IQCM: variants seen among roughly 807,000 people sequenced by gnomAD.
IQCM encodes the protein IQ motif containing M, also known as IQ domain-containing protein M.
A neutral mutation model predicts 57.6 loss-of-function variants in IQCM; 45 were observed. That is an observed-to-expected ratio of 0.78 (90% confidence interval 0.62 to 1.00). IQCM has a LOEUF of 1.00. Ranked by LOEUF, IQCM falls within the 50% of genes least tolerant of loss-of-function variation. The pLI is 0.00. For missense variants in IQCM, 468 were observed against 511.6 expected, an observed-to-expected ratio of 0.91 and a Z score of 0.82; for synonymous variants, 148 against 158.9, an observed-to-expected ratio of 0.93 and a Z score of 0.51.
At chr4:149,402,847 C>A (rs183469064) in intron 13 of IQCM, among the ~76,000 whole-genome samples, 1 of 151,918 alleles carries the variant, frequency 6.6e-6, no homozygotes, top group Non-Finnish European at 1.5e-5. Flanking sequence ...ATCTAAACCT[C>A]ACAACTTTGG....
chr4:149,626,250 G>T (rs11938672), intron 7 of IQCM, among the ~76,000 whole-genome samples: 22,367 of 151,508 alleles, frequency 0.15, 2,065 homozygotes, highest in South Asian at 0.33. Context: ...CTCCCATGCT[G>T]GATGCTTCCT....
intron 7 of IQCM, among the ~76,000 whole-genome samples, chr4:149,636,173 G>A (rs1757701186): frequency 6.6e-6 from 1 of 152,176 alleles, no homozygotes; most frequent in Non-Finnish European, 1.5e-5. Flanking sequence ...GATCTGCAAT[G>A]CAAAGTTGAC....
intron 2 of IQCM, among the ~76,000 whole-genome samples, chr4:149,784,249 G>T (rs1771875550): frequency 6.6e-6 from 1 of 151,996 alleles, no homozygotes; most frequent in Non-Finnish European, 1.5e-5. Flanking sequence ...TTCTCACTTT[G>T]CTCTAGCTAC....
At chr4:149,469,570 C>G (rs964438856) in intron 12 of IQCM, among the ~76,000 whole-genome samples, 2 of 152,174 alleles carry the variant, frequency 1.3e-5, no homozygotes, top group African/African-American at 4.8e-5. Context: ...TCCAGGAGAA[C>G]TTCCCCAACC....
chr4:149,424,923 G>A (rs1734360837), intron 13 of IQCM, among the ~76,000 whole-genome samples: 1 of 152,006 alleles, frequency 6.6e-6, no homozygotes, highest in South Asian at 2.1e-4. Context: ...GCTTCTTGAT[G>A]ATTCAATATC....
chr4:149,663,791 T>C (rs1760445352), intron 7 of IQCM, among the ~76,000 whole-genome samples: 2 of 152,152 alleles, frequency 1.3e-5, no homozygotes, highest in Admixed American at 1.3e-4. Context: ...AGTTTGATTA[T>C]AAAGTACATC....
At chr4:149,799,493 G>A (rs950071025) in intron 2 of IQCM, among the ~76,000 whole-genome samples, 4 of 151,526 alleles carry the variant, frequency 2.6e-5, no homozygotes, top group African/African-American at 9.7e-5. Flanking sequence ...GATTAGAGCA[G>A]AAATAAATTA....
At chr4:149,360,261 G>A (rs1729376814) in intron 13 of IQCM, among the ~76,000 whole-genome samples, 1 of 151,908 alleles carries the variant, frequency 6.6e-6, no homozygotes, top group African/African-American at 2.4e-5. Context: ...ACAATAAAAA[G>A]CAAAAATTAA....
At chr4:149,354,644 G>C (rs1237466656) in intron 13 of IQCM, among the ~76,000 whole-genome samples, 2 of 151,896 alleles carry the variant, frequency 1.3e-5, no homozygotes, top group Non-Finnish European at 2.9e-5. Flanking sequence ...TTACTCAAAA[G>C]AGTTAAAATA....
At position 149,416,030 on chromosome 4, in the gene IQCM, AC is replaced by A. The variant is rs557324657; in HGVS notation, c.1390+17365del. Among the ~76,000 whole-genome samples the A allele has an allele frequency of 4.9e-4, 74 of 152,290 alleles. 1 individual carries two copies. The South Asian group carries it at 0.015, about 32-fold the overall frequency. On this transcript the variant is annotated intron_variant, in intron 13 of 13. Transcript: ENST00000636793. ...ACAAACCTGCACATTGTGCGCATGT[AC>A]CCTAGAACTTAAAGTATAATTTTAA...
At chr4:149,564,675 C>A (rs2726748) in intron 9 of IQCM, among the ~76,000 whole-genome samples, 2 of 151,916 alleles carry the variant, frequency 1.3e-5, no homozygotes, top group South Asian at 4.2e-4. Context: ...ATTTTTCTTC[C>A]GTACTGGTTG....
At chr4:149,356,753 T>A (rs1323737658) in intron 13 of IQCM, among the ~76,000 whole-genome samples, 2 of 152,172 alleles carry the variant, frequency 1.3e-5, no homozygotes, top group East Asian at 3.8e-4. Flanking sequence ...CATATGAACT[T>A]TAAAGTAGTT....
chr4:149,570,252 G>A (rs1358094646), intron 9 of IQCM, among the ~76,000 whole-genome samples: 1 of 151,884 alleles, frequency 6.6e-6, no homozygotes, highest in African/African-American at 2.4e-5. Context: ...CTATCATAAT[G>A]TAATTGAAAA....
intron 12 of IQCM, among the ~76,000 whole-genome samples, chr4:149,527,447 T>C (rs907908885): frequency 6.6e-6 from 1 of 152,184 alleles, no homozygotes; most frequent in South Asian, 2.1e-4. Flanking sequence ...CCTTCTGCCA[T>C]GTGAGGATGC....
chr4:149,445,193 C>T (rs975616704), intron 12 of IQCM, among the ~76,000 whole-genome samples: 2 of 151,748 alleles, frequency 1.3e-5, no homozygotes, highest in African/African-American at 4.8e-5. Context: ...GTGTGGTCTT[C>T]TTGGTTCAAA....
intron 12 of IQCM, among the ~76,000 whole-genome samples, chr4:149,445,805 C>T (rs1736444533): frequency 6.6e-6 from 1 of 151,734 alleles, no homozygotes; most frequent in South Asian, 2.1e-4. Flanking sequence ...CAACATGTTT[C>T]ATTTAAGATT....
At chr4:149,392,747 G>C (rs182994611) in intron 13 of IQCM, among the ~76,000 whole-genome samples, 1 of 152,074 alleles carries the variant, frequency 6.6e-6, no homozygotes, top group East Asian at 1.9e-4. Context: ...TTTACACAAT[G>C]CTCCAGGAAA....
intron 12 of IQCM, among the ~76,000 whole-genome samples, chr4:149,454,976 T>A (rs1737533776): frequency 6.6e-6 from 1 of 151,980 alleles, no homozygotes; most frequent in Non-Finnish European, 1.5e-5. Context: ...GAATACCCTA[T>A]CATTGAGTAA....
chr4:149,528,641 CAG>C (rs919790327), intron 12 of IQCM, among the ~76,000 whole-genome samples: 1 of 152,052 alleles, frequency 6.6e-6, no homozygotes, highest in African/African-American at 2.4e-5. Context: ...ATTGAGGTAA[CAG>C]AACATGGCAA....
Sources: allele counts gnomAD v4.1 joint callset (sites outside exome capture counted in the v4.1 genomes callset), GRCh38; gene constraint gnomAD v4.1.1; transcripts MANE v1.5; gene names NCBI Gene and HGNC (gene_info 2026-07-23, HGNC 2026-07-21).